The following PPP3CA variants were observed in gnomAD, a reference collection of about 807,000 sequenced individuals.
PPP3CA encodes protein phosphatase 3 catalytic subunit alpha.
PPP3CA carries 14 observed loss-of-function variants against 66.5 expected under a neutral mutation model. The ratio of observed to expected loss-of-function variants is 0.21; its 90% CI spans 0.14 to 0.33. The LOEUF is 0.33. Ranked by LOEUF, PPP3CA falls within the 10% of genes least tolerant of loss-of-function variation. The pLI, the probability that PPP3CA is intolerant of heterozygous loss-of-function variation, is 1.00. For missense variants in PPP3CA, 317 were observed against 639.5 expected (o/e 0.50, Z 5.44); for synonymous variants, 232 against 226.2 (o/e 1.03, Z -0.23).
chr4:101,250,568 C>T (rs13137393), intron 1 of PPP3CA, among the ~76,000 whole-genome samples: 84,379 of 152,002 alleles, frequency 0.56, 27,360 homozygotes, highest in Non-Finnish European at 0.74. Context: ...AACTTACTGG[C>T]AGCTTGTGAT....
chr4:101,238,641 C>A (rs1221576006), intron 1 of PPP3CA, among the ~76,000 whole-genome samples: 1 of 152,030 alleles, frequency 6.6e-6, no homozygotes, highest in Non-Finnish European at 1.5e-5. Context: ...AAGTGCATAT[C>A]TTAAAGAGAT....
At chr4:101,300,415 C>T (rs1285216341) in intron 1 of PPP3CA, among the ~76,000 whole-genome samples, 5 of 152,284 alleles carry the variant, frequency 3.3e-5, no homozygotes, top group Admixed American at 6.5e-5. Context: ...AAACATAAAC[C>T]GTGAGCAACC....
intron 5 of PPP3CA, among the ~76,000 whole-genome samples, 164 bp downstream of exon 5, chr4:101,098,201 ATC>A (rs886229869): frequency 6.6e-6 from 1 of 152,214 alleles, no homozygotes; most frequent in Non-Finnish European, 1.5e-5. Context: ...GTATAAACAT[ATC>A]TCTCTTTCTA....
chr4:101,098,270 A>G (rs962575289), intron 5 of PPP3CA, 97 bp downstream of exon 5: 1 of 1,315,122 alleles, frequency 7.6e-7, no homozygotes, highest in Admixed American at 2.9e-5. Context: ...TTTGAACTCA[A>G]AAGAATAAAG....
rs1560604905 is a variant in PPP3CA at position 101,106,433 on chromosome 4, GAAA to G, written c.384+2518_384+2520del. 2.7e-3 allele frequency among the ~76,000 whole-genome samples: 32 copies of G among 11,738 alleles called. 4 individuals are homozygous for G. Among genetic ancestry groups the G allele is most frequent in the African/African-American group, 7.6e-3 (28 of 3,676 alleles). 7.7% of individuals were successfully genotyped at this position (11,738 alleles called of 152,430 possible). A position where few individuals can be genotyped will look rare whatever the true frequency, so the allele number is the denominator to read the frequency against. ...AGAAAGAAAGAAAGAAAGAAAGAAA[GAAA>G]GAAAGAAAGAAAGAAAGAGAAAAGA... On this transcript the variant is annotated intron_variant, in intron 3 of 13. Coordinates refer to ENST00000394854, the MANE Select transcript of PPP3CA (RefSeq NM_000944.5).
chr4:101,285,963 T>A (rs1265954592), intron 1 of PPP3CA, among the ~76,000 whole-genome samples: 1 of 152,206 alleles, frequency 6.6e-6, no homozygotes, highest in African/African-American at 2.4e-5. Context: ...TTTAAAGCAG[T>A]GGTCCCTAAC....
chr4:101,224,730 G>A (rs1357886784), intron 1 of PPP3CA, among the ~76,000 whole-genome samples: 1 of 151,766 alleles, frequency 6.6e-6, no homozygotes, highest in Non-Finnish European at 1.5e-5. Context: ...GGGGCAGGGG[G>A]GATGGTGCAG....
intron 1 of PPP3CA, among the ~76,000 whole-genome samples, chr4:101,263,838 T>C (rs1727082396): frequency 2.0e-5 from 3 of 152,200 alleles, no homozygotes; most frequent in Admixed American, 2.0e-4. Context: ...TAAGGTACCA[T>C]TCAAGGGTTT....
chr4:101,219,382 G>T (rs575586010), intron 1 of PPP3CA, among the ~76,000 whole-genome samples: 1 of 151,980 alleles, frequency 6.6e-6, no homozygotes, highest in East Asian at 1.9e-4. Flanking sequence ...ATTTTCATGA[G>T]ACAGCTTCTG....
chr4:101,100,324 A>G (rs894364831), intron 3 of PPP3CA, among the ~76,000 whole-genome samples: 2 of 152,072 alleles, frequency 1.3e-5, no homozygotes, highest in African/African-American at 2.4e-5. Flanking sequence ...TTTGTTGTAC[A>G]TTATCTTTCC....
At chr4:101,115,603 T>C (rs1721815483) in intron 2 of PPP3CA, among the ~76,000 whole-genome samples, 2 of 152,042 alleles carry the variant, frequency 1.3e-5, no homozygotes, top group Non-Finnish European at 1.5e-5. Context: ...TAGATAATAC[T>C]GAACACCTTA....
At chr4:101,108,793 T>G (rs533433255) in intron 3 of PPP3CA, among the ~76,000 whole-genome samples, 161 bp downstream of exon 3, 1 of 152,184 alleles carries the variant, frequency 6.6e-6, no homozygotes, top group South Asian at 2.1e-4. Flanking sequence ...AAAAAACACA[T>G]GGGAATCAAC....
chr4:101,324,150 G>GAAGGAAGGA (rs1305406744), intron 1 of PPP3CA, among the ~76,000 whole-genome samples: 1 of 97,484 alleles, frequency 1.0e-5, no homozygotes, highest in African/African-American at 4.7e-5. Context: ...GGAAGGAAGG[G>GAAGGAAGGA]AGGGAGGAAG....
At chr4:101,099,279 C>T (rs1730338715) in intron 4 of PPP3CA, among the ~76,000 whole-genome samples, 1 of 152,014 alleles carries the variant, frequency 6.6e-6, no homozygotes. Context: ...GTTGAATTTG[C>T]CCTCCATTTG....
intron 1 of PPP3CA, among the ~76,000 whole-genome samples, chr4:101,296,115 A>G (rs1728191691): frequency 6.6e-6 from 1 of 152,188 alleles, no homozygotes; most frequent in Non-Finnish European, 1.5e-5. Flanking sequence ...ATATATATGC[A>G]TTTTAAACAT....
intron 12 of PPP3CA, among the ~76,000 whole-genome samples, 177 bp from the exon 13 acceptor site, chr4:101,029,372 A>AG (rs1726830835): frequency 1.1e-5 from 1 of 92,392 alleles, no homozygotes; most frequent in Admixed American, 1.0e-4. Context: ...AAAAAAAAAA[A>AG]GAAAAAAAAT....
intron 1 of PPP3CA, among the ~76,000 whole-genome samples, chr4:101,281,059 G>C (rs867469029): frequency 1.3e-5 from 2 of 152,078 alleles, no homozygotes; most frequent in African/African-American, 4.8e-5. Flanking sequence ...AATGTGTTCC[G>C]GGAGAGACAG....
chr4:101,295,282 T>G (rs1578639480), intron 1 of PPP3CA, among the ~76,000 whole-genome samples: 1 of 121,892 alleles, frequency 8.2e-6, no homozygotes, highest in Non-Finnish European at 1.6e-5. Context: ...CAGTCCGGCC[T>G]GGGTGACAGA....
chr4:101,182,944 T>C (rs1416062783), intron 2 of PPP3CA, among the ~76,000 whole-genome samples: 1 of 152,120 alleles, frequency 6.6e-6, no homozygotes, highest in Non-Finnish European at 1.5e-5. Context: ...TCCACCACGA[T>C]TGTGAGGCCT....
Sources: allele counts gnomAD v4.1 joint callset (sites outside exome capture counted in the v4.1 genomes callset), GRCh38; gene constraint gnomAD v4.1.1; transcripts MANE v1.5; gene names NCBI Gene and HGNC (gene_info 2026-07-23, HGNC 2026-07-21).